The following CCDC91 variants were observed in gnomAD, a reference collection of about 807,000 sequenced individuals.
CCDC91 encodes the protein coiled-coil domain containing 91.
A neutral mutation model predicts 63.2 loss-of-function variants in CCDC91; 48 were observed. That is an observed-to-expected ratio of 0.76 (90% CI 0.60 to 0.97). The LOEUF (loss-of-function observed/expected upper bound fraction) is 0.97, where lower values mean the gene tolerates loss of function less well. Among genes scored for constraint, CCDC91 ranks in the 50% least tolerant of loss-of-function variants. The probability of loss-of-function intolerance (pLI) is 0.00; values close to 1 mark genes in which losing one functional copy is unlikely to be tolerated. For synonymous variants in CCDC91, 167 were observed against 165.8 expected (o/e 1.01, Z -0.06); for missense variants, 500 against 494.6 (o/e 1.01, Z -0.10).
chr12:28,338,863 C>T lies in CCDC91; in HGVS notation c.577-23575C>T, dbSNP rs546879028. Among the ~76,000 whole-genome samples the T allele has an allele frequency of 1.1e-4, 16 of 151,758 alleles. No homozygotes were observed. In the East Asian group the frequency reaches 2.5e-3, roughly 24 times the overall value. ...TTTTCTTTCTTTCTTTTTTTTGAGA[C>T]GGACTCTCGCTCTGTCGCCCAAGCT... On this transcript the variant is annotated intron_variant, in intron 6 of 12. Coordinates refer to ENST00000536442, the MANE Select transcript of CCDC91 (RefSeq NM_018318.5).
chr12:28,260,826 A>G (rs1223504431), intron 3 of CCDC91, among the ~76,000 whole-genome samples: 1 of 151,980 alleles, frequency 6.6e-6, no homozygotes, highest in Non-Finnish European at 1.5e-5. Flanking sequence ...TTGGAAATGG[A>G]TAGGGAGAGC....
chr12:28,392,902 A>C (rs756584854), intron 8 of CCDC91, among the ~76,000 whole-genome samples: 8 of 152,332 alleles, frequency 5.3e-5, no homozygotes, highest in Non-Finnish European at 8.8e-5. Flanking sequence ...CAACATGCCT[A>C]GTATACAGTG....
At chr12:28,503,711 A>T (rs1314502320) in intron 12 of CCDC91, among the ~76,000 whole-genome samples, 12 of 152,116 alleles carry the variant, frequency 7.9e-5, no homozygotes, top group Non-Finnish European at 1.3e-4. Flanking sequence ...ATAGACTGGA[A>T]TAAGAAAATG....
intron 3 of CCDC91, 26 bp downstream of exon 3, chr12:28,259,468 T>G (rs1175638907): frequency 2.2e-6 from 3 of 1,358,134 alleles, no homozygotes; most frequent in African/African-American, 2.9e-5. Flanking sequence ...AATTAGGGTT[T>G]TTTTTTTTTT....
At chr12:28,379,452 C>CA (rs199790729) in intron 7 of CCDC91, among the ~76,000 whole-genome samples, 1,976 of 47,202 alleles carry the variant, frequency 0.042, 27 homozygotes, top group South Asian at 0.2. Flanking sequence ...AACAAATTTA[C>CA]AAAAAAAAAA....
At chr12:28,300,165 T>C (rs1937899058) in intron 3 of CCDC91, among the ~76,000 whole-genome samples, 1 of 151,542 alleles carries the variant, frequency 6.6e-6, no homozygotes. Context: ...AAGAACTCAC[T>C]CATGTTTTCT....
chr12:28,456,850 A>C (rs370293913), intron 11 of CCDC91, among the ~76,000 whole-genome samples: 13 of 152,260 alleles, frequency 8.5e-5, no homozygotes, highest in African/African-American at 3.1e-4. Flanking sequence ...GGGAGTTGTC[A>C]GGCCTGGAGA....
chr12:28,401,301 G>A (rs1946607725), intron 8 of CCDC91, among the ~76,000 whole-genome samples: 1 of 152,094 alleles, frequency 6.6e-6, no homozygotes, highest in African/African-American at 2.4e-5. Context: ...ACAGCAACAA[G>A]GAGAAGTGCC....
chr12:28,407,329 C>T (rs1006957480), intron 8 of CCDC91, among the ~76,000 whole-genome samples: 3 of 152,100 alleles, frequency 2.0e-5, no homozygotes, highest in African/African-American at 7.2e-5. Flanking sequence ...AAAAATCAAT[C>T]GACCATATAT....
intron 6 of CCDC91, among the ~76,000 whole-genome samples, chr12:28,360,847 C>T (rs1228284535): frequency 2.0e-5 from 3 of 151,838 alleles, no homozygotes; most frequent in African/African-American, 4.8e-5. Flanking sequence ...TAAAATTCAC[C>T]TATTAAGCTT....
chr12:28,331,760 T>G (rs1941532479), intron 6 of CCDC91, among the ~76,000 whole-genome samples: 1 of 152,148 alleles, frequency 6.6e-6, no homozygotes, highest in Non-Finnish European at 1.5e-5. Context: ...GAAGTGTGCC[T>G]CTTTGGGACA....
At chr12:28,381,503 C>T (rs1368974754) in intron 7 of CCDC91, among the ~76,000 whole-genome samples, 2 of 151,972 alleles carry the variant, frequency 1.3e-5, no homozygotes, top group Non-Finnish European at 2.9e-5. Context: ...TCTCTTTTTC[C>T]TTTATCTTTT....
chr12:28,306,656 T>C, intron 4 of CCDC91, 86 bp from the exon 5 acceptor site: 1 of 842,376 alleles, frequency 1.2e-6, no homozygotes, highest in East Asian at 2.6e-5. Context: ...TTTCCAAATG[T>C]GGTTTCTAGT....
intron 7 of CCDC91, among the ~76,000 whole-genome samples, chr12:28,365,971 T>C (rs1211499402): frequency 1.3e-5 from 2 of 152,130 alleles, no homozygotes; most frequent in Non-Finnish European, 2.9e-5. Flanking sequence ...AGCTGAAATA[T>C]TGTTGAGGAG....
chr12:28,193,408 C>G (rs576736925), intron 1 of CCDC91, among the ~76,000 whole-genome samples: 2 of 152,132 alleles, frequency 1.3e-5, no homozygotes, highest in Non-Finnish European at 2.9e-5. Context: ...TGAGACCATC[C>G]TGGTCAACAT....
At chr12:28,345,638 GA>G (rs1942757104) in intron 6 of CCDC91, among the ~76,000 whole-genome samples, 1 of 151,898 alleles carries the variant, frequency 6.6e-6, no homozygotes, top group Non-Finnish European at 1.5e-5. Context: ...TTTTTTTAAT[GA>G]AAAACACTAT....
Position 28,549,949 on chromosome 12 carries a change from C to A in CCDC91, c.*776C>A, listed in dbSNP as rs1037702513. Reference sequence around the variant, plus strand: ...ATTTATAGGAATTTAGGTTCAAGTACAGGATATATGAAATCTTTTCCCAGT... The same window carrying A: ...ATTTATAGGAATTTAGGTTCAAGTAAAGGATATATGAAATCTTTTCCCAGT... On this transcript the variant is annotated 3_prime_UTR_variant, in exon 13 of 13. Transcript: ENST00000536442. 1.3e-5 allele frequency: 2 copies of A among 152,374 alleles called. No homozygotes were observed. The highest frequency in any genetic ancestry group is 4.8e-5 in the African/African-American group (2 of 41,412). 9.4% of individuals were successfully genotyped at this position (152,374 alleles called of 1,614,324 possible). A position where few individuals can be genotyped will look rare whatever the true frequency, so the allele number is the denominator to read the frequency against.
chr12:28,303,251 T>A (rs543821707), intron 3 of CCDC91, among the ~76,000 whole-genome samples: 2 of 152,124 alleles, frequency 1.3e-5, no homozygotes, highest in Non-Finnish European at 2.9e-5. Flanking sequence ...GGTTATGAAC[T>A]GTTGAAGAAT....
intron 12 of CCDC91, among the ~76,000 whole-genome samples, chr12:28,535,235 A>C (rs1942056193): frequency 6.6e-6 from 1 of 152,186 alleles, no homozygotes; most frequent in African/African-American, 2.4e-5. Flanking sequence ...GAAATCTGGA[A>C]CTACATCAGC....
Sources: allele counts gnomAD v4.1 joint callset (sites outside exome capture counted in the v4.1 genomes callset), GRCh38; gene constraint gnomAD v4.1.1; transcripts MANE v1.5; gene names NCBI Gene and HGNC (gene_info 2026-07-23, HGNC 2026-07-21).